Variants in GPR158 observed in about 807,000 individuals in gnomAD.
GPR158 encodes G protein-coupled receptor 158.
Under a neutral mutation model 78.2 loss-of-function variants are expected in GPR158, and 30 were observed. That is an observed-to-expected ratio of 0.38 (90% CI 0.29 to 0.52). The LOEUF (loss-of-function observed/expected upper bound fraction) is 0.52. Ranked by LOEUF, GPR158 falls within the 20% of genes least tolerant of loss-of-function variation. GPR158 has a pLI of 0.83. For synonymous variants in GPR158, 581 were observed against 591.1 expected, an observed-to-expected ratio of 0.98 and a Z score of 0.25; for missense variants, 1,463 against 1,523.5, an observed-to-expected ratio of 0.96 and a Z score of 0.66.
In GPR158 at chr10:25,570,443, A is replaced by C. The variant is rs1020778996; in HGVS notation, c.1515-2206A>C. ...GTTCTCTCTATAGCATAAATCACCA[A>C]AATGTATTATCTACTGCATTGTGTT... On this transcript the variant is annotated intron_variant, in intron 6 of 10. Transcript: ENST00000376351. 2.0e-5 allele frequency among the ~76,000 whole-genome samples: 3 copies of C among 152,224 alleles called. No homozygotes were observed. The East Asian group carries it at 5.8e-4, about 29-fold the overall frequency.
intron 2 of GPR158, among the ~76,000 whole-genome samples, chr10:25,290,638 TTAGA>T (rs1403652434): frequency 6.6e-6 from 1 of 152,138 alleles, no homozygotes; most frequent in Non-Finnish European, 1.5e-5. Context: ...TGGAAAAATG[TTAGA>T]TAATCAGGTG....
intron 3 of GPR158, among the ~76,000 whole-genome samples, chr10:25,411,467 A>T (rs1834583373): frequency 6.6e-6 from 1 of 152,168 alleles, no homozygotes; most frequent in Non-Finnish European, 1.5e-5. Context: ...GAGCAGTCAA[A>T]GTCTCATTTT....
chr10:25,481,008 G>A (rs569599512), intron 5 of GPR158, among the ~76,000 whole-genome samples: 5 of 152,248 alleles, frequency 3.3e-5, no homozygotes, highest in South Asian at 4.2e-4. Flanking sequence ...GAAAAATTGG[G>A]CTTATGTGTG....
intron 5 of GPR158, among the ~76,000 whole-genome samples, chr10:25,509,276 T>TA (rs1351775119): frequency 6.6e-6 from 1 of 152,178 alleles, no homozygotes; most frequent in Non-Finnish European, 1.5e-5. Context: ...TCTGGGGCAA[T>TA]ATATAGAGTA....
chr10:25,448,392 A>G (rs1835168971), intron 4 of GPR158, among the ~76,000 whole-genome samples: 1 of 152,122 alleles, frequency 6.6e-6, no homozygotes, highest in Non-Finnish European at 1.5e-5. Context: ...GGCTGGCCGT[A>G]TCTGACTTCT....
intron 5 of GPR158, among the ~76,000 whole-genome samples, chr10:25,539,462 C>T (rs1029224129): frequency 6.6e-6 from 1 of 151,762 alleles, no homozygotes; most frequent in Non-Finnish European, 1.5e-5. Flanking sequence ...AGAATCACCA[C>T]TAAGACTTTG....
chr10:25,339,353 T>C (rs1373293353), intron 2 of GPR158, among the ~76,000 whole-genome samples: 1 of 152,094 alleles, frequency 6.6e-6, no homozygotes, highest in East Asian at 1.9e-4. Flanking sequence ...TCTACCTGCT[T>C]GTTGTTAGTA....
intron 3 of GPR158, among the ~76,000 whole-genome samples, chr10:25,402,540 A>G (rs1302895081): frequency 1.3e-5 from 2 of 152,076 alleles, no homozygotes; most frequent in African/African-American, 4.8e-5. Context: ...TGAAGTGTCT[A>G]TGGGTAAAGG....
chr10:25,329,946 A>G (rs1855094832), intron 2 of GPR158, among the ~76,000 whole-genome samples: 1 of 152,156 alleles, frequency 6.6e-6, no homozygotes, highest in African/African-American at 2.4e-5. Flanking sequence ...TGTTAAAAAC[A>G]CTAGAAGTTG....
At chr10:25,474,633 C>T (rs755898628) in intron 5 of GPR158, among the ~76,000 whole-genome samples, 5 of 152,126 alleles carry the variant, frequency 3.3e-5, no homozygotes, top group Non-Finnish European at 4.4e-5. Context: ...ATGTCATTCT[C>T]TTGCACAGAT....
At chr10:25,423,955 G>A (rs1457276648) in intron 4 of GPR158, among the ~76,000 whole-genome samples, 1 of 152,210 alleles carries the variant, frequency 6.6e-6, no homozygotes, top group Non-Finnish European at 1.5e-5. Flanking sequence ...TTGAGGAATT[G>A]TCACACTGTC....
intron 2 of GPR158, among the ~76,000 whole-genome samples, chr10:25,346,060 G>A (rs1323586852): frequency 6.6e-6 from 1 of 151,908 alleles, no homozygotes; most frequent in African/African-American, 2.4e-5. Context: ...CAAGCCTGGA[G>A]CTGAGCCACT....
At chr10:25,522,460 C>T (rs1224782596) in intron 5 of GPR158, among the ~76,000 whole-genome samples, 4 of 152,142 alleles carry the variant, frequency 2.6e-5, no homozygotes, top group Admixed American at 6.5e-5. Flanking sequence ...CTGTTGATGG[C>T]AATGCCAACT....
At chr10:25,465,076 A>C (rs1229745311) in intron 4 of GPR158, among the ~76,000 whole-genome samples, 1 of 152,152 alleles carries the variant, frequency 6.6e-6, no homozygotes, top group Non-Finnish European at 1.5e-5. Flanking sequence ...CTATATCTTT[A>C]ACAATACCCC....
intron 2 of GPR158, among the ~76,000 whole-genome samples, chr10:25,257,974 C>G (rs568179799): frequency 6.6e-6 from 1 of 152,280 alleles, no homozygotes; most frequent in South Asian, 2.1e-4. Flanking sequence ...GATGGGAATG[C>G]TTTTCTTCTA....
Position 25,597,844 on chromosome 10 carries a change from C to G in GPR158, c.2218C>G (p.Leu740Val). 6.5e-7 allele frequency: 1 copy of G among 1,542,252 alleles called. No individual in the cohort carries two copies. The highest frequency in any genetic ancestry group is 1.3e-5 in the South Asian group (1 of 78,698). Residue 740 changes from leucine to valine, a missense_variant, in exon 11 of 11, where the codon CTC becomes GTC. Coordinates refer to ENST00000376351, the MANE Select transcript of GPR158 (RefSeq NM_020752.3). ...GAAGATGATCACAAACAACCCCCAC[C>G]TCCAGAAAAAGCGGTGCTCGAAGAA... is the stretch of plus-strand genomic sequence containing the variant. ...RKKMITNNPH[L>V]QKKRCSKKGL... is the part of the protein sequence containing the mutation.
chr10:25,222,564 G>A (rs867868055), intron 2 of GPR158, among the ~76,000 whole-genome samples: 18 of 151,930 alleles, frequency 1.2e-4, no homozygotes, highest in South Asian at 1.0e-3. Context: ...TTGTTCTTAG[G>A]GTTTTGAACA....
chr10:25,496,810 C>T (rs542233070), intron 5 of GPR158, among the ~76,000 whole-genome samples: 4 of 152,224 alleles, frequency 2.6e-5, no homozygotes, highest in South Asian at 2.1e-4. Flanking sequence ...TTACAGTCTA[C>T]GGGAAATTAT....
chr10:25,253,747 T>C (rs1853848795), intron 2 of GPR158, among the ~76,000 whole-genome samples: 1 of 152,184 alleles, frequency 6.6e-6, no homozygotes, highest in Non-Finnish European at 1.5e-5. Flanking sequence ...ATTAATGATG[T>C]ATAAAATGGT....
Sources: gnomAD v4.1 joint callset for allele counts (sites outside exome capture counted in the v4.1 genomes callset) on GRCh38, gnomAD v4.1.1 for gene constraint, MANE v1.5 for transcripts, NCBI Gene and HGNC (gene_info 2026-07-23, HGNC 2026-07-21) for gene names.